AGO2: variants seen among roughly 807,000 people sequenced by gnomAD.
AGO2 encodes the protein argonaute RISC catalytic component 2.
Under a neutral mutation model 102.3 loss-of-function variants are expected in AGO2, and 5 were observed. The observed-to-expected ratio is 0.05, with a 90% confidence interval of 0.03 to 0.10. The LOEUF is 0.10. Ranked by LOEUF, AGO2 falls within the 10% of genes least tolerant of loss-of-function variation. AGO2 has a pLI of 1.00. For missense variants in AGO2, 541 were observed against 1,183.7 expected (o/e 0.46, Z 7.97); for synonymous variants, 449 against 473.1 (o/e 0.95, Z 0.66).
chr8:140,567,850 G>T lies in AGO2; in HGVS notation c.336+4962C>A, dbSNP rs1278670191. Reference sequence around the variant, plus strand: ...CACTCTAAAGAATGCAAAGAGGCCAGCCTGGGGCTCACGCCTGTAATCCCA... The same window carrying T: ...CACTCTAAAGAATGCAAAGAGGCCATCCTGGGGCTCACGCCTGTAATCCCA... On this transcript the variant is annotated intron_variant, in intron 3 of 18. Transcript: ENST00000220592. The surrounding 1 kb of genome is among the most constrained non-coding windows in gnomAD (Gnocchi z 5.0). Among the ~76,000 whole-genome samples the T allele has an allele frequency of 6.6e-6, 1 of 152,182 alleles. No homozygotes were observed. The highest frequency in any genetic ancestry group is 2.4e-5 in the African/African-American group (1 of 41,454).
chr8:140,554,197 G>A (rs143203095), intron 10 of AGO2, among the ~76,000 whole-genome samples: 1 of 152,212 alleles, frequency 6.6e-6, no homozygotes, highest in Non-Finnish European at 1.5e-5. Context: ...TTGCCCTCCC[G>A]GGGCGTCTCC....
At chr8:140,620,321 C>A (rs568969801) in intron 1 of AGO2, among the ~76,000 whole-genome samples, 2 of 152,142 alleles carry the variant, frequency 1.3e-5, no homozygotes, top group African/African-American at 2.4e-5. Context: ...TACGATCAGA[C>A]GAGATGATGG....
At chr8:140,642,066 AAAAG>A in the AGO2 span, among the ~76,000 whole-genome samples, 31 of 152,164 alleles carry the variant, frequency 2.0e-4, no homozygotes, top group African/African-American at 6.5e-4. Context: ...AAAGGAAAAA[AAAAG>A]AAAGGAAAAA....
intron 1 of AGO2, among the ~76,000 whole-genome samples, chr8:140,628,615 C>G (rs1588519326): frequency 6.6e-6 from 1 of 150,498 alleles, no homozygotes; most frequent in African/African-American, 2.5e-5. Flanking sequence ...CCAGCCTGGG[C>G]AACATAGGGA....
intron 3 of AGO2, among the ~76,000 whole-genome samples, chr8:140,570,813 C>T (rs769821240): frequency 9.2e-5 from 14 of 152,192 alleles, no homozygotes; most frequent in Admixed American, 2.0e-4. Flanking sequence ...TCTAGTTTTA[C>T]CCCAGAGTTT....
chr8:140,554,811 C>T (rs2073066395), intron 10 of AGO2, among the ~76,000 whole-genome samples: 1 of 152,016 alleles, frequency 6.6e-6, no homozygotes, highest in Admixed American at 6.5e-5. Context: ...CCTGCCTCAT[C>T]CTCCTGAGAA....
intron 11 of AGO2, among the ~76,000 whole-genome samples, chr8:140,550,603 C>CT (rs2072978732): frequency 2.6e-5 from 4 of 152,180 alleles, no homozygotes; most frequent in African/African-American, 9.6e-5. Context: ...CTCCACCTCT[C>CT]TATTTCACCT....
chr8:140,626,465 C>G (rs1451052026), intron 1 of AGO2: 1 of 152,226 alleles, frequency 6.6e-6, no homozygotes, highest in African/African-American at 2.4e-5. Context: ...CAGTCACCAT[C>G]AGAGGGACCT....
chr8:140,611,186 C>T (rs1359498443), intron 1 of AGO2, among the ~76,000 whole-genome samples: 2 of 152,184 alleles, frequency 1.3e-5, no homozygotes, highest in Non-Finnish European at 1.5e-5. Context: ...CAGTGCAAGG[C>T]GGCGATGGCA....
At chr8:140,587,175 A>G (rs1221773862) in intron 1 of AGO2, among the ~76,000 whole-genome samples, 4 of 152,148 alleles carry the variant, frequency 2.6e-5, no homozygotes, top group African/African-American at 9.7e-5. Context: ...CCTCCTCTGC[A>G]ACACCTGGCA....
At chr8:140,596,566 A>T (rs781650548) in intron 1 of AGO2, among the ~76,000 whole-genome samples, 2 of 152,254 alleles carry the variant, frequency 1.3e-5, no homozygotes, top group African/African-American at 2.4e-5. Context: ...CTGGGCAACA[A>T]GAGCAAAACT....
chr8:140,547,757 G>C, intron 12 of AGO2, 130 bp from the exon 13 acceptor site: 1 of 1,302,296 alleles, frequency 7.7e-7, no homozygotes, highest in South Asian at 1.5e-5. Flanking sequence ...GCTGAGCTTT[G>C]CGTGTCCCCC....
chr8:140,592,270 A>G (rs557301375), intron 1 of AGO2: 46 of 152,402 alleles, frequency 3.0e-4, no homozygotes, highest in Non-Finnish European at 2.9e-5. Context: ...ACAGACCCGC[A>G]CGCTGGTCCA....
At chr8:140,595,950 ATATATAATATATATAAATTATATATAT>A (rs1374162849) in intron 1 of AGO2, among the ~76,000 whole-genome samples, 1 of 6,756 alleles carries the variant, frequency 1.5e-4, no homozygotes, top group African/African-American at 3.2e-4. Context: ...TATATATTTT[ATATATAATATATATAAATTATATATAT>A]TATATAATAT....
At chr8:140,559,195 G>T (rs1173553845) in intron 6 of AGO2, among the ~76,000 whole-genome samples, 200 bp downstream of exon 6, 16 of 152,178 alleles carry the variant, frequency 1.1e-4, no homozygotes, top group Admixed American at 1.0e-3. Context: ...CCATGGGGTT[G>T]TATTTATTTA....
intron 2 of AGO2, among the ~76,000 whole-genome samples, chr8:140,574,908 A>C: frequency 6.6e-6 from 1 of 151,844 alleles, no homozygotes; most frequent in African/African-American, 2.4e-5. Context: ...GAACCTGCCA[A>C]CTCCTTCCAT....
chr8:140,627,325 C>G (rs374350214), intron 1 of AGO2, among the ~76,000 whole-genome samples: 111 of 152,310 alleles, frequency 7.3e-4, no homozygotes, highest in African/African-American at 2.5e-3. Flanking sequence ...CACAACAGTT[C>G]TATTATTTTA....
At chr8:140,597,000 C>T (rs2073855312) in intron 1 of AGO2, among the ~76,000 whole-genome samples, 2 of 152,218 alleles carry the variant, frequency 1.3e-5, no homozygotes, top group African/African-American at 2.4e-5. Flanking sequence ...GTGCGTCCCA[C>T]TGTTCTGCAC....
At chr8:140,607,725 G>C (rs919312092) in intron 1 of AGO2, among the ~76,000 whole-genome samples, 5 of 151,906 alleles carry the variant, frequency 3.3e-5, no homozygotes, top group Non-Finnish European at 7.4e-5. Flanking sequence ...GCAACATCCA[G>C]AACAGGCCAT....
Sources: gnomAD v4.1 joint callset for allele counts (sites outside exome capture counted in the v4.1 genomes callset) on GRCh38, gnomAD v4.1.1 for gene constraint, Gnocchi (gnomAD v3.1) non-coding constraint, MANE v1.5 for transcripts, NCBI Gene and HGNC (gene_info 2026-07-23, HGNC 2026-07-21) for gene names.